The following SGCZ variants were observed in gnomAD, a reference collection of about 807,000 sequenced individuals.
SGCZ encodes the protein sarcoglycan zeta, also known as zeta-sarcoglycan.
A neutral mutation model predicts 41.3 loss-of-function variants in SGCZ; 40 were observed. The observed-to-expected ratio is 0.97, with a 90% CI of 0.75 to 1.26. SGCZ has a LOEUF of 1.26. Among genes scored for constraint, SGCZ ranks in the 50% most tolerant of loss-of-function variants. The probability of loss-of-function intolerance (pLI) is 0.00; values close to 1 mark genes in which losing one functional copy is unlikely to be tolerated. For synonymous variants in SGCZ, 206 were observed against 137.5 expected (o/e 1.50, Z -3.49); for missense variants, 552 against 369.8 (o/e 1.49, Z -4.04).
chr8:14,534,038 G>A (rs1007580875), intron 2 of SGCZ, among the ~76,000 whole-genome samples: 2 of 151,974 alleles, frequency 1.3e-5, no homozygotes, highest in African/African-American at 4.8e-5. Flanking sequence ...AACTCTACAG[G>A]AGCTGCAGCA....
At chr8:14,970,187 G>C (rs1011959471) in intron 1 of SGCZ, among the ~76,000 whole-genome samples, 6 of 152,014 alleles carry the variant, frequency 3.9e-5, no homozygotes, top group Non-Finnish European at 7.4e-5. Flanking sequence ...CATATAATTT[G>C]TTTAATAACC....
At chr8:14,413,611 A>G (rs947119232) in intron 2 of SGCZ, among the ~76,000 whole-genome samples, 3 of 151,992 alleles carry the variant, frequency 2.0e-5, no homozygotes, top group Admixed American at 6.6e-5. Context: ...ATATGCTGAT[A>G]ATGTTTATAT....
At chr8:14,569,651 G>A (rs958692515) in intron 1 of SGCZ, among the ~76,000 whole-genome samples, 3 of 152,184 alleles carry the variant, frequency 2.0e-5, no homozygotes, top group African/African-American at 7.2e-5. Flanking sequence ...TATGGTAAGT[G>A]AGATGTTAAG....
chr8:15,213,756 T>C (rs1476410077), intron 1 of SGCZ, among the ~76,000 whole-genome samples: 1 of 151,878 alleles, frequency 6.6e-6, no homozygotes, highest in Non-Finnish European at 1.5e-5. Context: ...CTACTAGATA[T>C]AATACTGTTT....
chr8:14,135,843 AC>A (rs1803180322), intron 5 of SGCZ, among the ~76,000 whole-genome samples: 1 of 152,178 alleles, frequency 6.6e-6, no homozygotes, highest in South Asian at 2.1e-4. Context: ...CCAAAATCAG[AC>A]CAAAAAACAG....
At chr8:14,503,497 C>G (rs562808797) in intron 2 of SGCZ, among the ~76,000 whole-genome samples, 1 of 152,258 alleles carries the variant, frequency 6.6e-6, no homozygotes, top group East Asian at 1.9e-4. Context: ...CGGCCAGTCT[C>G]AGTGGCTCAT....
chr8:14,209,947 T>C (rs1805745471), intron 4 of SGCZ, among the ~76,000 whole-genome samples: 1 of 152,212 alleles, frequency 6.6e-6, no homozygotes, highest in African/African-American at 2.4e-5. Context: ...ACATTTCTCA[T>C]TTATTTACTT....
rs900437705 is a variant in SGCZ at position 14,657,934 on chromosome 8, C to T, written c.40-103008G>A. ...CAAATGTAGAATTATTTACTCCTTA[C>T]CTTCTAAGGAATTTGAATCACAGGT... On this transcript the variant is annotated intron_variant, in intron 1 of 7. Coordinates refer to ENST00000382080, the MANE Select transcript of SGCZ (RefSeq NM_139167.4). Among the ~76,000 whole-genome samples the T allele has an allele frequency of 5.9e-5, 9 of 152,086 alleles. 1 individual carries two copies. Among genetic ancestry groups the T allele is most frequent in the Non-Finnish European group, 8.8e-5 (6 of 68,010 alleles).
rs191239056 is a variant in SGCZ, at chr8:14,100,442, A to G, written c.744+1934T>C. On this transcript the variant is annotated intron_variant, in intron 7 of 7. Transcript: ENST00000382080. Reference sequence around the variant, plus strand: ...AAAGAATGCAAGATGTTTAAGAAAGACTTCCGTCCTACTGTGTTAGACAAA... The same window carrying G: ...AAAGAATGCAAGATGTTTAAGAAAGGCTTCCGTCCTACTGTGTTAGACAAA... 6.3e-4 allele frequency among the ~76,000 whole-genome samples: 95 copies of G among 150,284 alleles called. 2 individuals are homozygous for G. Among genetic ancestry groups the G allele is most frequent in the Admixed American group, 3.4e-3 (51 of 15,032 alleles).
chr8:14,224,647 G>C (rs943244153), intron 4 of SGCZ, among the ~76,000 whole-genome samples: 3 of 152,104 alleles, frequency 2.0e-5, no homozygotes, highest in African/African-American at 4.8e-5. Flanking sequence ...TCATATCTGT[G>C]GAAGGTCTGA....
intron 1 of SGCZ, among the ~76,000 whole-genome samples, chr8:15,191,602 T>C (rs1585657791): frequency 6.6e-6 from 1 of 152,172 alleles, no homozygotes; most frequent in South Asian, 2.1e-4. Context: ...CAGTCATCAT[T>C]ATATGAAAGT....
At chr8:14,362,004 C>A (rs187365487) in intron 2 of SGCZ, among the ~76,000 whole-genome samples, 2 of 152,296 alleles carry the variant, frequency 1.3e-5, no homozygotes, top group African/African-American at 2.4e-5. Flanking sequence ...CTGGGTATCA[C>A]CAGCAGAGGC....
At chr8:14,982,471 G>C (rs1275721811) in intron 1 of SGCZ, among the ~76,000 whole-genome samples, 1 of 152,088 alleles carries the variant, frequency 6.6e-6, no homozygotes, top group Non-Finnish European at 1.5e-5. Flanking sequence ...GTATCAATGG[G>C]CTTTGGAGTC....
Position 14,098,296 on chromosome 8 carries a change from C to A in SGCZ, c.744+4080G>T, listed in dbSNP as rs376938708. On this transcript the variant is annotated intron_variant, in intron 7 of 7. Transcript: ENST00000382080. ...GCAAAGAGAAAGAAATGAATTTGTT[C>A]TATTTTTTTAAGATTTGTTTTTCTG... 5.9e-5 allele frequency among the ~76,000 whole-genome samples: 9 copies of A among 152,106 alleles called. No individual in the cohort carries two copies. The East Asian group carries it at 1.7e-3, about 29-fold the overall frequency.
intron 1 of SGCZ, among the ~76,000 whole-genome samples, chr8:14,972,071 T>C (rs1801317863): frequency 6.6e-6 from 1 of 152,268 alleles, no homozygotes; most frequent in Non-Finnish European, 1.5e-5. Flanking sequence ...GTTTTTCTTC[T>C]TTTCGATTTT....
chr8:14,438,166 C>G (rs1800145959), intron 2 of SGCZ, among the ~76,000 whole-genome samples: 2 of 151,884 alleles, frequency 1.3e-5, no homozygotes, highest in African/African-American at 4.8e-5. Context: ...CAAACTTTAG[C>G]ATGTTGTAAA....
chr8:14,938,207 T>C (rs181430969), intron 1 of SGCZ, among the ~76,000 whole-genome samples: 48 of 152,316 alleles, frequency 3.2e-4, no homozygotes, highest in Non-Finnish European at 5.9e-4. Context: ...TAGCTGTAAC[T>C]GGAAATAGCG....
chr8:14,947,574 T>C (rs1563383180), intron 1 of SGCZ, among the ~76,000 whole-genome samples: 1 of 152,166 alleles, frequency 6.6e-6, no homozygotes, highest in Non-Finnish European at 1.5e-5. Flanking sequence ...GCACTGAATA[T>C]AAAACTTGTA....
chr8:14,318,020 A>C (rs976460999), intron 3 of SGCZ, among the ~76,000 whole-genome samples: 2 of 152,016 alleles, frequency 1.3e-5, no homozygotes, highest in East Asian at 3.9e-4. Context: ...TCTTGCAAGT[A>C]TATCAGTAGA....
Sources: allele counts gnomAD v4.1 joint callset (sites outside exome capture counted in the v4.1 genomes callset), GRCh38; gene constraint gnomAD v4.1.1; transcripts MANE v1.5; gene names NCBI Gene and HGNC (gene_info 2026-07-23, HGNC 2026-07-21).